The following WDR64 variants were observed in gnomAD, a reference collection of about 807,000 sequenced individuals.
The protein encoded by WDR64 is WD repeat-containing protein 64.
A neutral mutation model predicts 139.3 loss-of-function variants in WDR64; 112 were observed. The observed-to-expected ratio is 0.80, with a 90% confidence interval of 0.69 to 0.94. WDR64 has a LOEUF of 0.94. Ranked by LOEUF, WDR64 falls within the 40% of genes least tolerant of loss-of-function variation. WDR64 has a pLI of 0.00. For synonymous variants in WDR64, 444 were observed against 437.7 expected, an observed-to-expected ratio of 1.01 and a Z score of -0.18; for missense variants, 1,206 against 1,293.1, an observed-to-expected ratio of 0.93 and a Z score of 1.03.
In WDR64 at chr1:241,674,671, G is replaced by T; in HGVS notation, c.407G>T (p.Ser136Ile). 1 of 1,549,714 alleles carries T rather than the reference G, an allele frequency of 6.5e-7. No homozygotes were observed. Among genetic ancestry groups the T allele is most frequent in the Non-Finnish European group, 8.7e-7 (1 of 1,145,682 alleles). Reference protein sequence around the residue: ...SGSRRRDVIKSIVKIPHLDLL... With the variant: ...SGSRRRDVIKIIVKIPHLDLL... ...AGTAGAAGACGAGATGTGATTAAGAGCATTGTCAAGATACCTCACCTGGAT... is the reference window on the plus strand; with the variant it reads ...AGTAGAAGACGAGATGTGATTAAGATCATTGTCAAGATACCTCACCTGGAT... The change falls in exon 4 of 28, where the codon AGC becomes ATC. Residue 136 changes from serine (S) to isoleucine (I), a missense_variant. Transcript: ENST00000437684.
chr1:241,708,686 TC>T (rs1668046850), intron 8 of WDR64, among the ~76,000 whole-genome samples: 1 of 135,814 alleles, frequency 7.4e-6, no homozygotes, highest in South Asian at 2.4e-4. Context: ...AGGGCTGAGG[TC>T]CATGGTTTTT....
rs1258270181 is a variant in WDR64 at position 241,757,269 on chromosome 1, G to A, written c.1771-14G>A. The stretch of plus-strand genomic sequence containing the variant: ...AATTGAACTTTTCATGCACTCACTG[G>A]ATTTCTGTTAAAGGGTAAGGAAGAT... On this transcript the variant is annotated splice_polypyrimidine_tract_variant and intron_variant, in intron 14 of 27. Transcript: ENST00000437684. 3.1e-6 allele frequency: 5 copies of A among 1,604,502 alleles called. No individual in the cohort carries two copies. In the African/African-American group the frequency reaches 6.7e-5, roughly 22 times the overall value.
chr1:241,711,236 CA>C (rs34264828), intron 8 of WDR64, among the ~76,000 whole-genome samples: 5,707 of 139,176 alleles, frequency 0.041, 332 homozygotes, highest in African/African-American at 0.14. Flanking sequence ...GACCTTGTCT[CA>C]AAAAAAAAAA....
intron 14 of WDR64, among the ~76,000 whole-genome samples, chr1:241,755,621 T>C (rs1425738793): frequency 6.6e-6 from 1 of 152,238 alleles, no homozygotes; most frequent in Non-Finnish European, 1.5e-5. Flanking sequence ...GTTTTAGTCA[T>C]GAAGTCTTTG....
At chr1:241,772,291 GT>G (rs1245773092) in intron 19 of WDR64, among the ~76,000 whole-genome samples, 1 of 133,526 alleles carries the variant, frequency 7.5e-6, no homozygotes, top group Non-Finnish European at 1.6e-5. Flanking sequence ...ATTTTTTAAT[GT>G]TTTTTCTGTC....
At chr1:241,710,942 C>G (rs1307768215) in intron 8 of WDR64, among the ~76,000 whole-genome samples, 1 of 152,084 alleles carries the variant, frequency 6.6e-6, no homozygotes, top group East Asian at 1.9e-4. Context: ...GAAGAATGGG[C>G]AATAGTGGAA....
intron 9 of WDR64, among the ~76,000 whole-genome samples, chr1:241,713,671 A>G (rs2148180265): frequency 6.6e-6 from 1 of 152,294 alleles, no homozygotes; most frequent in South Asian, 2.1e-4. Flanking sequence ...CATTGGCAAA[A>G]TCACTTTGGC....
intron 8 of WDR64, among the ~76,000 whole-genome samples, chr1:241,693,308 C>T (rs894106064): frequency 3.9e-4 from 60 of 152,268 alleles, no homozygotes; most frequent in African/African-American, 1.4e-3. Context: ...AGAAGCCAAA[C>T]TGAAAAGGCT....
At chr1:241,748,880 C>T (rs1219419710) in intron 13 of WDR64, among the ~76,000 whole-genome samples, 2 of 148,732 alleles carry the variant, frequency 1.3e-5, no homozygotes, top group Non-Finnish European at 3.0e-5. Context: ...GCGGAGCTTG[C>T]AGTGAGCCGA....
chr1:241,652,300 TCC>T lies in WDR64; in HGVS notation c.-183_-182del, dbSNP rs1415013670. The stretch of plus-strand genomic sequence containing the variant: ...TGCATCAGACCTAAATCAGCTTTCC[TCC>T]CTGCTAACATCCTAGTGGCAACTCT... On this transcript the variant is annotated 5_prime_UTR_variant, in exon 1 of 28. Coordinates refer to ENST00000437684, the MANE Select transcript of WDR64 (RefSeq NM_001367482.1). 1.7e-6 allele frequency: 1 copy of T among 581,706 alleles called. No homozygotes were observed. Among genetic ancestry groups the T allele is most frequent in the African/African-American group, 1.9e-5 (1 of 53,478 alleles). 36.0% of individuals were successfully genotyped at this position (581,706 alleles called of 1,614,324 possible). A position where few individuals can be genotyped will look rare whatever the true frequency, so the allele number is the denominator to read the frequency against.
chr1:241,778,861 T>C (rs1413395248), intron 21 of WDR64, among the ~76,000 whole-genome samples: 1 of 152,158 alleles, frequency 6.6e-6, no homozygotes, highest in Admixed American at 6.5e-5. Flanking sequence ...GTTATAATTA[T>C]CAAATACATT....
Position 241,749,686 on chromosome 1 carries a change from G to A in WDR64, c.1734G>A (p.Leu578=), listed in dbSNP as rs552050320. Residue 578 remains leucine, a synonymous_variant, in exon 14 of 28, where the codon CTG becomes CTA. Transcript: ENST00000437684. The part of the protein sequence containing the change: ...KAQEKHQQLV[L]ALERNGTIKM... Reference sequence around the variant, plus strand: ...AAGAAAAACACCAGCAGCTGGTCCTGGCCTTGGAGCGCAACGGGACTATCA... The same window carrying A: ...AAGAAAAACACCAGCAGCTGGTCCTAGCCTTGGAGCGCAACGGGACTATCA... The A allele has an allele frequency of 6.2e-7, 1 of 1,614,092 alleles. No individual in the cohort carries two copies. The highest frequency in any genetic ancestry group is 1.1e-5 in the South Asian group (1 of 91,072).
chr1:241,706,452 G>A (rs1010264409), intron 8 of WDR64, among the ~76,000 whole-genome samples: 1 of 152,204 alleles, frequency 6.6e-6, no homozygotes, highest in Non-Finnish European at 1.5e-5. Flanking sequence ...AGCAGCTATG[G>A]TGACAAAGTA....
intron 9 of WDR64, among the ~76,000 whole-genome samples, chr1:241,722,482 C>T (rs997979745): frequency 6.6e-6 from 1 of 152,102 alleles, no homozygotes; most frequent in Non-Finnish European, 1.5e-5. Flanking sequence ...AATAACCATT[C>T]GTTGCAGTAT....
intron 2 of WDR64, among the ~76,000 whole-genome samples, chr1:241,663,931 T>A (rs1665931967): frequency 6.8e-6 from 1 of 147,906 alleles, no homozygotes; most frequent in South Asian, 2.1e-4. Context: ...TTTGTTGCTT[T>A]TTGTTTTTGT....
At chr1:241,708,754 G>C (rs367994046) in intron 8 of WDR64, among the ~76,000 whole-genome samples, 24 of 138,338 alleles carry the variant, frequency 1.7e-4, no homozygotes, top group African/African-American at 6.4e-4. Context: ...TGCCCAGGCT[G>C]GTCTGGAATT....
At chr1:241,670,879 T>C (rs1666198864) in intron 2 of WDR64, among the ~76,000 whole-genome samples, 195 bp from the exon 3 acceptor site, 1 of 152,208 alleles carries the variant, frequency 6.6e-6, no homozygotes, top group Non-Finnish European at 1.5e-5. Context: ...TCCATGAAAC[T>C]GGTGCCTGGT....
At chr1:241,682,089 C>G (rs1320950915) in intron 6 of WDR64, among the ~76,000 whole-genome samples, 1 of 152,178 alleles carries the variant, frequency 6.6e-6, no homozygotes, top group Admixed American at 6.5e-5. Flanking sequence ...TCTGTTTACT[C>G]TGCTGGCTTC....
Position 241,683,684 on chromosome 1 carries a change from C to T in WDR64, c.822C>T (p.Asp274=). ...GAAAATTACAAAATCAGGTCTTAGA[C>T]TCAAAGAACTTTAAAAGGTAAGAGT... is the stretch of plus-strand genomic sequence containing the variant. ...SKRKLQNQVL[D]SKNFKSVKRK... is the part of the protein sequence containing the mutation. The change falls in exon 7 of 28, where the codon GAC becomes GAT. Residue 274 remains aspartate, a synonymous_variant. Transcript: ENST00000437684. The T allele has an allele frequency of 6.5e-7, 1 of 1,549,288 alleles. No individual in the cohort carries two copies. The highest frequency in any genetic ancestry group is 8.7e-7 in the Non-Finnish European group (1 of 1,145,652).
Sources: gnomAD v4.1 joint callset for allele counts (sites outside exome capture counted in the v4.1 genomes callset) on GRCh38, gnomAD v4.1.1 for gene constraint, MANE v1.5 for transcripts, NCBI Gene and HGNC (gene_info 2026-07-23, HGNC 2026-07-21) for gene names.